IGSF11: variants seen among roughly 807,000 people sequenced by gnomAD.
IGSF11 encodes the protein CXADR like 1.
A neutral mutation model predicts 41.0 loss-of-function variants in IGSF11; 22 were observed. The observed-to-expected ratio is 0.54, with a 90% CI of 0.38 to 0.77. The LOEUF (loss-of-function observed/expected upper bound fraction) is 0.77. Ranked by LOEUF, IGSF11 falls within the 30% of genes least tolerant of loss-of-function variation. IGSF11 has a pLI of 0.00. For missense variants in IGSF11, 444 were observed against 530.8 expected (o/e 0.84, Z 1.61); for synonymous variants, 219 against 201.3 (o/e 1.09, Z -0.74).
intron 1 of IGSF11, among the ~76,000 whole-genome samples, chr3:119,072,863 C>T (rs1001814699): frequency 6.6e-6 from 1 of 152,172 alleles, no homozygotes; most frequent in Non-Finnish European, 1.5e-5. Context: ...CTTTTATTCC[C>T]TAGTCTGGCC....
chr3:119,126,588 G>A (rs2077407856), intron 1 of IGSF11, among the ~76,000 whole-genome samples: 1 of 152,174 alleles, frequency 6.6e-6, no homozygotes, highest in Admixed American at 6.5e-5. Flanking sequence ...AACAGGGGTT[G>A]TCAGATACTC....
chr3:119,113,009 C>T (rs1400562103), intron 1 of IGSF11, among the ~76,000 whole-genome samples: 3 of 152,102 alleles, frequency 2.0e-5, no homozygotes, highest in African/African-American at 7.2e-5. Context: ...GGGGGAGGTG[C>T]TACACACTTT....
chr3:119,014,353 C>G (rs550931521), intron 1 of IGSF11, among the ~76,000 whole-genome samples: 1 of 152,300 alleles, frequency 6.6e-6, no homozygotes, highest in East Asian at 1.9e-4. Context: ...TACTCTATCA[C>G]ACAACATCCC....
At chr3:119,012,351 A>T (rs897351365) in intron 1 of IGSF11, among the ~76,000 whole-genome samples, 1 of 152,248 alleles carries the variant, frequency 6.6e-6, no homozygotes, top group African/African-American at 2.4e-5. Flanking sequence ...GAGCTTCCCA[A>T]ATAAGTTCTA....
At chr3:118,970,623 A>G (rs1178957343) in intron 1 of IGSF11, among the ~76,000 whole-genome samples, 1 of 152,186 alleles carries the variant, frequency 6.6e-6, no homozygotes, top group Admixed American at 6.5e-5. Flanking sequence ...TTTGTCATTT[A>G]AGGTGATGAT....
chr3:118,993,819 T>C (rs768811581), intron 1 of IGSF11, among the ~76,000 whole-genome samples: 29 of 152,250 alleles, frequency 1.9e-4, no homozygotes, highest in Non-Finnish European at 4.1e-4. Flanking sequence ...TCTATATAGA[T>C]AGAAACTAGA....
At chr3:119,136,869 C>A (rs1285495543) in intron 1 of IGSF11, among the ~76,000 whole-genome samples, 1 of 151,972 alleles carries the variant, frequency 6.6e-6, no homozygotes, top group Non-Finnish European at 1.5e-5. Flanking sequence ...AACTGATAAA[C>A]AAATTTAGTA....
intron 1 of IGSF11, among the ~76,000 whole-genome samples, chr3:119,113,518 C>T (rs1177565492): frequency 6.6e-6 from 1 of 152,244 alleles, no homozygotes; most frequent in African/African-American, 2.4e-5. Flanking sequence ...GACTCCCTGT[C>T]TCACATCCAG....
chr3:119,140,906 T>C (rs2077637922), intron 1 of IGSF11, among the ~76,000 whole-genome samples: 1 of 150,816 alleles, frequency 6.6e-6, no homozygotes, highest in South Asian at 2.1e-4. Context: ...TAGCCAGGCA[T>C]GGTGGCACAT....
chr3:119,081,694 T>C (rs1333362291), intron 1 of IGSF11, among the ~76,000 whole-genome samples: 1 of 152,232 alleles, frequency 6.6e-6, no homozygotes, highest in Non-Finnish European at 1.5e-5. Context: ...GAGAGTTGTT[T>C]TGGATTTCTA....
At chr3:119,048,525 A>T (rs911178628) in intron 1 of IGSF11, among the ~76,000 whole-genome samples, 3 of 152,214 alleles carry the variant, frequency 2.0e-5, no homozygotes, top group Admixed American at 1.3e-4. Context: ...AACCAAAAAG[A>T]GTCCAAGACC....
intron 1 of IGSF11, among the ~76,000 whole-genome samples, chr3:118,955,758 G>T (rs1436180039): frequency 1.3e-5 from 2 of 152,046 alleles, no homozygotes; most frequent in Non-Finnish European, 1.5e-5. Flanking sequence ...TAATTCTTAA[G>T]GGCTCAAGGA....
chr3:119,025,262 A>G (rs561612408), intron 1 of IGSF11, among the ~76,000 whole-genome samples: 1 of 152,204 alleles, frequency 6.6e-6, no homozygotes, highest in Non-Finnish European at 1.5e-5. Flanking sequence ...TCAAAGAATC[A>G]CAAGATTATA....
intron 1 of IGSF11, among the ~76,000 whole-genome samples, chr3:118,934,000 T>A (rs1040671403): frequency 3.3e-5 from 5 of 152,126 alleles, no homozygotes; most frequent in Non-Finnish European, 7.4e-5. Flanking sequence ...CCCCTTTCTC[T>A]GCACTGGAGA....
chr3:119,041,570 C>T (rs1941119826), intron 1 of IGSF11, among the ~76,000 whole-genome samples: 1 of 151,788 alleles, frequency 6.6e-6, no homozygotes, highest in Non-Finnish European at 1.5e-5. Context: ...GGGCAACAAG[C>T]AAGACTCCAT....
At chr3:118,964,260 G>A (rs1435268692) in intron 1 of IGSF11, among the ~76,000 whole-genome samples, 1 of 152,134 alleles carries the variant, frequency 6.6e-6, no homozygotes. Flanking sequence ...GAGCAACTAA[G>A]TGAAAAAGAA....
Position 119,057,435 on chromosome 3 carries a change from G to A in IGSF11, c.49+47709C>T, listed in dbSNP as rs9754978. 7.4e-4 allele frequency among the ~76,000 whole-genome samples: 112 copies of A among 152,046 alleles called. No individual in the cohort carries two copies. The Middle Eastern group carries it at 0.014, about 19-fold the overall frequency. ...TACAAGGGATGTGAAGGACCTCTTT[G>A]AGGAGAACTACAAACCACTGCTCAA... On this transcript the variant is annotated intron_variant, in intron 1 of 6. Coordinates refer to the IGSF11 transcript ENST00000354673.
intron 1 of IGSF11, among the ~76,000 whole-genome samples, chr3:119,003,946 C>T (rs1422317376): frequency 4.6e-5 from 7 of 150,736 alleles, no homozygotes; most frequent in Middle Eastern, 3.4e-3. Context: ...TGTCTCTGCC[C>T]GGCTTTGGTA....
At chr3:118,928,440 G>A in intron 3 of IGSF11, 69 bp downstream of exon 3, 2 of 1,243,810 alleles carry the variant, frequency 1.6e-6, no homozygotes, top group African/African-American at 1.5e-5. Context: ...AACAAGGGCA[G>A]AAGCAAGTAT....
Sources: gnomAD v4.1 joint callset for allele counts (sites outside exome capture counted in the v4.1 genomes callset) on GRCh38, gnomAD v4.1.1 for gene constraint, MANE v1.5 for transcripts, NCBI Gene and HGNC (gene_info 2026-07-23, HGNC 2026-07-21) for gene names.